Variants in TTC19 observed in about 807,000 individuals in gnomAD.
The protein encoded by TTC19 is tetratricopeptide repeat domain 19, also known as tetratricopeptide repeat protein 19, mitochondrial.
A neutral mutation model predicts 49.5 loss-of-function variants in TTC19; 38 were observed. The observed-to-expected ratio is 0.77, with a 90% CI of 0.59 to 1.01. The LOEUF is 1.01. TTC19 is among the 50% of genes least tolerant of loss of function. The pLI, the probability that TTC19 is intolerant of heterozygous loss-of-function variation, is 0.00. For missense variants in TTC19, 475 were observed against 477.7 expected, an observed-to-expected ratio of 0.99 and a Z score of 0.05; for synonymous variants, 204 against 185.2, an observed-to-expected ratio of 1.10 and a Z score of -0.83.
At chr17:16,027,285 C>A in intron 9 of TTC19, 89 bp from the exon 10 acceptor site, 1 of 1,472,510 alleles carries the variant, frequency 6.8e-7, no homozygotes, top group Non-Finnish European at 9.4e-7. Flanking sequence ...AGTAAATTAG[C>A]CCTATATCTG....
rs1200736633 is a variant in TTC19 at position 16,028,343 on chromosome 17, T to G, written c.*821T>G. 4.4e-6 allele frequency: 2 copies of G among 453,974 alleles called. No individual in the cohort carries two copies. Among genetic ancestry groups the G allele is most frequent in the Admixed American group, 4.7e-5 (2 of 42,548 alleles). The allele number at this position is 453,974 out of a possible 1,614,324, so 28.1% of individuals were successfully genotyped here. A position where few individuals can be genotyped will look rare whatever the true frequency, so the allele number is the denominator to read the frequency against. ...GTCAGAATAGGCCCCTACAGGTATATTTTAAAACTCTTCGTAATTCTAATG... is the reference window on the plus strand; with the variant it reads ...GTCAGAATAGGCCCCTACAGGTATAGTTTAAAACTCTTCGTAATTCTAATG... On this transcript the variant is annotated 3_prime_UTR_variant, in exon 10 of 10. Coordinates refer to ENST00000261647, the MANE Select transcript of TTC19 (RefSeq NM_017775.4).
downstream of TTC19, chr17:16,029,412 C>T: frequency 3.3e-6 from 1 of 300,954 alleles, no homozygotes; most frequent in Non-Finnish European, 6.6e-6. Flanking sequence ...GTCCAATGGT[C>T]ACTGGAGTTT....
chr17:16,025,541 T>G (rs1971525552), intron 8 of TTC19, among the ~76,000 whole-genome samples: 1 of 152,190 alleles, frequency 6.6e-6, no homozygotes, highest in South Asian at 2.1e-4. Context: ...CAAATATCCT[T>G]GCCTCCCTTG....
chr17:16,032,235 A>T (rs1972145900), downstream of TTC19: 1 of 1,475,236 alleles, frequency 6.8e-7, no homozygotes, highest in African/African-American at 1.5e-5. Flanking sequence ...TGCTACTAAA[A>T]ATTAAACCAC....
At chr17:16,031,517 G>A, downstream of TTC19, 1 of 209,026 alleles carries the variant, frequency 4.8e-6, no homozygotes, top group East Asian at 7.3e-5. Flanking sequence ...GCGTAACAGT[G>A]AGGTATGCCT....
chr17:16,033,394 A>T (rs951520894), downstream of TTC19, among the ~76,000 whole-genome samples: 1 of 152,088 alleles, frequency 6.6e-6, no homozygotes, highest in Non-Finnish European at 1.5e-5. Flanking sequence ...TCAAATAATA[A>T]ATCTCATGTA....
chr17:16,034,214 T>C (rs1973451231), downstream of TTC19, among the ~76,000 whole-genome samples: 1 of 152,126 alleles, frequency 6.6e-6, no homozygotes, highest in South Asian at 2.1e-4. Flanking sequence ...AGGAGAATGG[T>C]TGAGATTATT....
downstream of TTC19, among the ~76,000 whole-genome samples, chr17:16,033,100 C>T (rs1346684853): frequency 6.6e-6 from 1 of 152,170 alleles, no homozygotes; most frequent in East Asian, 1.9e-4. Flanking sequence ...AATCCCAGCA[C>T]TTTGGGAGGC....
intron 2 of TTC19, chr17:16,041,324 G>A (rs570169181): frequency 4.6e-5 from 7 of 151,116 alleles, no homozygotes; most frequent in South Asian, 2.1e-4. Flanking sequence ...CCAACTTGAC[G>A]CTAAGAATTT....
At chr17:16,044,530 A>C in exon 3 of TTC19, 1 of 490,684 alleles carries the variant, frequency 2.0e-6, no homozygotes, top group East Asian at 6.3e-5. Context: ...GGTCCTTCCA[A>C]GGAAGCTAAG....
At chr17:16,004,492 A>C in intron 6 of TTC19, among the ~76,000 whole-genome samples, 1 of 152,178 alleles carries the variant, frequency 6.6e-6, no homozygotes, top group Middle Eastern at 3.4e-3. Flanking sequence ...CTGTGACAAA[A>C]CTAACTAAGT....
intron 7 of TTC19, among the ~76,000 whole-genome samples, chr17:16,011,457 G>T (rs997302692): frequency 6.6e-6 from 1 of 152,248 alleles, no homozygotes; most frequent in Non-Finnish European, 1.5e-5. Flanking sequence ...ACAGGCGTGA[G>T]CCACCGCGCC....
intron 2 of TTC19, among the ~76,000 whole-genome samples, chr17:16,036,707 C>T (rs1029011118): frequency 6.6e-6 from 1 of 152,192 alleles, no homozygotes; most frequent in Admixed American, 6.5e-5. Context: ...GTGGCTTCCT[C>T]GCCTCTCTGA....
intron 3 of TTC19, 97 bp from the exon 4 acceptor site, chr17:16,002,696 A>T (rs1970779894): frequency 1.7e-6 from 2 of 1,155,188 alleles, no homozygotes; most frequent in Non-Finnish European, 2.6e-6. Context: ...ACTATTTTTT[A>T]AATTTTGAGG....
chr17:16,019,222 A>C (rs939854414), intron 7 of TTC19, among the ~76,000 whole-genome samples: 1 of 152,004 alleles, frequency 6.6e-6, no homozygotes, highest in Admixed American at 6.6e-5. Context: ...AATCCCCACT[A>C]CTCGGGAGGC....
In TTC19 at chr17:16,027,542, GAAT is replaced by G; in HGVS notation, c.*24_*26del. On this transcript the variant is annotated 3_prime_UTR_variant, in exon 10 of 10. Coordinates refer to ENST00000261647, the MANE Select transcript of TTC19 (RefSeq NM_017775.4). ...CTCTAAATCCATTTTTGTGTAGGGA[GAAT>G]AATGTCTAGTAATGTGGAAGAATAG... The G allele has an allele frequency of 1.2e-6, 2 of 1,613,204 alleles. No individual in the cohort carries two copies. The highest frequency in any genetic ancestry group is 1.1e-5 in the South Asian group (1 of 91,014).
At position 16,028,843 on chromosome 17, in the gene TTC19, A is replaced by AAAAAAAAAAC. The variant is rs1567590702; in HGVS notation, c.*1324_*1325insAAAAAACAAA. 6 of 377,944 alleles carry AAAAAAAAAAC rather than the reference A, an allele frequency of 1.6e-5. 1 individual carries two copies. Among genetic ancestry groups the AAAAAAAAAAC allele is most frequent in the South Asian group, 3.9e-5 (2 of 51,904 alleles). 23.4% of individuals were successfully genotyped at this position (377,944 alleles called of 1,614,324 possible). On this transcript the variant is annotated 3_prime_UTR_variant, in exon 10 of 10. Coordinates refer to ENST00000261647, the MANE Select transcript of TTC19 (RefSeq NM_017775.4). ...CAAAAAAAAAAAAAAAAAAAAAAAAAAAACTTTCTGAAGAAAATAAAAACA... is the reference window on the plus strand; with the variant it reads ...CAAAAAAAAAAAAAAAAAAAAAAAAAAAAAAAAAACAAACTTTCTGAAGAAAATAAAAACA...
At chr17:16,007,127 G>T (rs182140363) in intron 7 of TTC19, among the ~76,000 whole-genome samples, 1 of 152,076 alleles carries the variant, frequency 6.6e-6, no homozygotes, top group Non-Finnish European at 1.5e-5. Context: ...AAGAGCTACC[G>T]AGATGGTAGG....
intron 2 of TTC19, among the ~76,000 whole-genome samples, chr17:16,036,052 G>A (rs531705718): frequency 9.2e-5 from 14 of 152,176 alleles, no homozygotes; most frequent in Non-Finnish European, 8.8e-5. Context: ...GCTCAGATCC[G>A]TCAGAGGAAT....
Sources: allele counts gnomAD v4.1 joint callset (sites outside exome capture counted in the v4.1 genomes callset), GRCh38; gene constraint gnomAD v4.1.1; transcripts MANE v1.5; gene names NCBI Gene and HGNC (gene_info 2026-07-23, HGNC 2026-07-21).